Variants in KCNK2 observed in about 807,000 individuals in gnomAD.
KCNK2 encodes potassium channel subfamily K member 2.
A neutral mutation model predicts 40.5 loss-of-function variants in KCNK2; 21 were observed. That is an observed-to-expected ratio of 0.52 (90% CI 0.37 to 0.75). KCNK2 has a LOEUF of 0.75. KCNK2 is among the 30% of genes least tolerant of loss of function. The pLI is 0.00. For missense variants in KCNK2, 399 were observed against 531.6 expected (o/e 0.75, Z 2.45); for synonymous variants, 191 against 202.2 (o/e 0.94, Z 0.47).
At chr1:215,078,395 A>C (rs983060431), upstream of KCNK2, among the ~76,000 whole-genome samples, 1 of 152,252 alleles carries the variant, frequency 6.6e-6, no homozygotes, top group African/African-American at 2.4e-5. Flanking sequence ...GGTCATTTAT[A>C]TAAAAAAGAG....
intron 6 of KCNK2, among the ~76,000 whole-genome samples, chr1:215,224,980 C>A (rs1181702251): frequency 1.3e-5 from 2 of 151,936 alleles, no homozygotes; most frequent in African/African-American, 4.8e-5. Flanking sequence ...ACTCTGCCTC[C>A]TCAAGGTTTA....
At chr1:215,211,368 G>A (rs1000585700) in intron 6 of KCNK2, among the ~76,000 whole-genome samples, 1 of 151,864 alleles carries the variant, frequency 6.6e-6, no homozygotes, top group African/African-American at 2.4e-5. Flanking sequence ...TCCCAACATC[G>A]TCAAGTCTTT....
intron 3 of KCNK2, among the ~76,000 whole-genome samples, chr1:215,144,793 G>T (rs1217822869): frequency 6.6e-6 from 1 of 152,068 alleles, no homozygotes; most frequent in Non-Finnish European, 1.5e-5. Context: ...AACAAGATAC[G>T]GTCGAGCAAT....
chr1:215,214,019 T>C (rs1309467132), intron 6 of KCNK2, among the ~76,000 whole-genome samples: 3 of 152,228 alleles, frequency 2.0e-5, no homozygotes, highest in Admixed American at 6.5e-5. Context: ...CCTTTATATT[T>C]CTACACCATT....
At chr1:215,141,323 C>T (rs984979196) in intron 3 of KCNK2, among the ~76,000 whole-genome samples, 13 of 152,006 alleles carry the variant, frequency 8.6e-5, no homozygotes, top group African/African-American at 1.2e-4. Flanking sequence ...CATAATTGTA[C>T]GTGCTGTACT....
chr1:215,137,055 C>A (rs1469893864), intron 3 of KCNK2, among the ~76,000 whole-genome samples: 2 of 151,988 alleles, frequency 1.3e-5, no homozygotes, highest in Admixed American at 1.3e-4. Context: ...TTCAAAAGTA[C>A]CTTCCTAGAT....
chr1:215,145,943 A>G (rs1662395786), intron 3 of KCNK2, among the ~76,000 whole-genome samples: 1 of 152,172 alleles, frequency 6.6e-6, no homozygotes, highest in Non-Finnish European at 1.5e-5. Context: ...TAAATAACAC[A>G]TGAATTTACA....
At chr1:215,077,589 C>T (rs1156286265) in intron 1 of KCNK2, among the ~76,000 whole-genome samples, 2 of 152,076 alleles carry the variant, frequency 1.3e-5, no homozygotes, top group Non-Finnish European at 2.9e-5. Context: ...GATGAAAATT[C>T]ATCCAGGTCT....
intron 2 of KCNK2, among the ~76,000 whole-genome samples, chr1:215,121,078 C>T (rs1469892603): frequency 6.6e-6 from 1 of 152,106 alleles, no homozygotes; most frequent in Non-Finnish European, 1.5e-5. Context: ...AAAGACTGTT[C>T]AGTCCAATAA....
chr1:215,209,997 TATATATTATATATAATATATA>T (rs1665646603), intron 6 of KCNK2, among the ~76,000 whole-genome samples: 1 of 68,140 alleles, frequency 1.5e-5, no homozygotes, highest in African/African-American at 7.1e-5. Flanking sequence ...TAATATATAA[TATATATTATATATAATATATA>T]ATATATATTA....
chr1:215,012,924 G>C (rs1267960205), intron 1 of KCNK2, among the ~76,000 whole-genome samples: 1 of 151,892 alleles, frequency 6.6e-6, no homozygotes, highest in Non-Finnish European at 1.5e-5. Flanking sequence ...TCATACTCTT[G>C]CTGTCATAGT....
chr1:215,195,027 T>G lies in KCNK2; in HGVS notation c.898T>G (p.Phe300Val). The change falls in exon 6 of 7, where the codon TTT becomes GTT. Residue 300 changes from phenylalanine (F) to valine (V), a missense_variant. This residue lies in a region of KCNK2 where 17 missense variants were observed against 53.4 expected (regional missense o/e 0.32). Coordinates refer to ENST00000444842, the MANE Select transcript of KCNK2 (RefSeq NM_001017425.3). ...WFWILVGLAYFAAVLSMIGDW... is the reference protein window; with the variant it reads ...WFWILVGLAYVAAVLSMIGDW... ...CTGGATCCTTGTAGGGCTTGCTTACTTTGCTGCTGTCCTGAGCATGATTGG... is the reference window on the plus strand; with the variant it reads ...CTGGATCCTTGTAGGGCTTGCTTACGTTGCTGCTGTCCTGAGCATGATTGG... 1.2e-6 allele frequency: 2 copies of G among 1,613,616 alleles called. No individual in the cohort carries two copies. Among genetic ancestry groups the G allele is most frequent in the Non-Finnish European group, 1.7e-6 (2 of 1,179,666 alleles).
intron 6 of KCNK2, among the ~76,000 whole-genome samples, chr1:215,214,527 T>C (rs908361936): frequency 5.9e-5 from 9 of 152,168 alleles, no homozygotes; most frequent in Non-Finnish European, 1.0e-4. Context: ...GGGTATGTTG[T>C]CTCACAAAGC....
At chr1:215,052,925 C>CT (rs1571871988) in intron 1 of KCNK2, among the ~76,000 whole-genome samples, 1 of 152,008 alleles carries the variant, frequency 6.6e-6, no homozygotes, top group Non-Finnish European at 1.5e-5. Flanking sequence ...CCAGATTCCT[C>CT]TTTTTTTCTT....
intron 2 of KCNK2, among the ~76,000 whole-genome samples, chr1:215,097,376 T>C (rs1399209616): frequency 1.3e-5 from 2 of 151,698 alleles, no homozygotes; most frequent in Admixed American, 6.6e-5. Context: ...TCTGATACCT[T>C]CTCTTCCCCT....
intron 6 of KCNK2, among the ~76,000 whole-genome samples, chr1:215,203,424 A>G (rs1665161839): frequency 6.6e-6 from 1 of 152,154 alleles, no homozygotes; most frequent in Non-Finnish European, 1.5e-5. Flanking sequence ...TGAGGAGTGT[A>G]TGTGATGTGG....
intron 5 of KCNK2, among the ~76,000 whole-genome samples, chr1:215,173,537 A>G (rs1663816722): frequency 6.6e-6 from 1 of 152,204 alleles, no homozygotes; most frequent in South Asian, 2.1e-4. Flanking sequence ...TCCCTGAGGA[A>G]TTGCCACACT....
chr1:215,105,588 G>A (rs1660400852), intron 2 of KCNK2, among the ~76,000 whole-genome samples: 1 of 151,758 alleles, frequency 6.6e-6, no homozygotes. Context: ...AATTATTATT[G>A]ATTTATTTAT....
At chr1:215,177,221 T>C (rs1020975390) in intron 5 of KCNK2, among the ~76,000 whole-genome samples, 3 of 152,124 alleles carry the variant, frequency 2.0e-5, no homozygotes, top group Non-Finnish European at 4.4e-5. Context: ...TGCTTGTTGA[T>C]TTGTTTAAAT....
Sources: allele counts gnomAD v4.1 joint callset (sites outside exome capture counted in the v4.1 genomes callset), GRCh38; gene constraint gnomAD v4.1.1; regional missense constraint gnomAD v4.1.1; transcripts MANE v1.5; gene names NCBI Gene and HGNC (gene_info 2026-07-23, HGNC 2026-07-21).